Variants in GRIK2 observed in about 807,000 individuals in gnomAD.
GRIK2 encodes the protein glutamate ionotropic receptor kainate type subunit 2.
GRIK2 carries 32 observed loss-of-function variants against 100.3 expected under a neutral mutation model. That is an observed-to-expected ratio of 0.32 (90% CI 0.24 to 0.43). The LOEUF is 0.43. Ranked by LOEUF, GRIK2 falls within the 20% of genes least tolerant of loss-of-function variation. The pLI, the probability that GRIK2 is intolerant of heterozygous loss-of-function variation, is 1.00. For synonymous variants in GRIK2, 417 were observed against 389.4 expected (o/e 1.07, Z -0.83); for missense variants, 843 against 1,114.9 (o/e 0.76, Z 3.47).
intron 14 of GRIK2, among the ~76,000 whole-genome samples, chr6:102,030,861 A>T (rs952418961): frequency 6.6e-6 from 1 of 150,828 alleles, no homozygotes; most frequent in African/African-American, 2.4e-5. Context: ...ATCCCCTCTG[A>T]ACTCCAGACT....
At chr6:101,434,114 G>A (rs950086599) in intron 2 of GRIK2, among the ~76,000 whole-genome samples, 3 of 152,194 alleles carry the variant, frequency 2.0e-5, no homozygotes, top group African/African-American at 2.4e-5. Context: ...AGACACTAAC[G>A]TGCAAATAAC....
chr6:101,788,263 G>A (rs1224168685), intron 7 of GRIK2, among the ~76,000 whole-genome samples: 1 of 151,022 alleles, frequency 6.6e-6, no homozygotes, highest in African/African-American at 2.4e-5. Context: ...CAATGTGCAG[G>A]TTAGTTACAT....
intron 12 of GRIK2, among the ~76,000 whole-genome samples, chr6:101,907,177 A>G (rs1467673003): frequency 6.6e-6 from 1 of 151,750 alleles, no homozygotes; most frequent in Non-Finnish European, 1.5e-5. Flanking sequence ...ACATTGGGAC[A>G]TAGGTATTTT....
rs2128481811 is a variant in GRIK2, at chr6:101,959,393, T to G, written c.2085+30761T>G. On this transcript the variant is annotated intron_variant, in intron 14 of 16. Coordinates refer to ENST00000369134, the MANE Select transcript of GRIK2 (RefSeq NM_021956.5). ...TGCCTAGTGATACTCATAGCAGTCT[T>G]TGATGATCTTTTGTATTTCTGTGGT... Among the ~76,000 whole-genome samples the G allele has an allele frequency of 1.3e-5, 2 of 152,272 alleles. 1 individual carries two copies. The highest frequency in any genetic ancestry group is 4.1e-4 in the South Asian group (2 of 4,828).
At chr6:101,823,497 T>C (rs980847540) in intron 10 of GRIK2, among the ~76,000 whole-genome samples, 16 of 152,196 alleles carry the variant, frequency 1.1e-4, no homozygotes, top group Non-Finnish European at 2.4e-4. Flanking sequence ...TCTTTCATCT[T>C]TGAATTTCAA....
chr6:101,773,482 A>G (rs1562374455), intron 7 of GRIK2, among the ~76,000 whole-genome samples: 1 of 150,726 alleles, frequency 6.6e-6, no homozygotes, highest in South Asian at 2.1e-4. Flanking sequence ...TTGTCTCAAA[A>G]AAAAAAAAAA....
At chr6:101,924,530 G>A in intron 12 of GRIK2, 71 bp from the exon 13 acceptor site, 3 of 808,412 alleles carry the variant, frequency 3.7e-6, no homozygotes, top group East Asian at 2.5e-5. Context: ...TTCTTTTGCA[G>A]CAAAAAATGC....
intron 4 of GRIK2, among the ~76,000 whole-genome samples, chr6:101,664,707 C>G (rs530129538): frequency 6.6e-6 from 1 of 152,188 alleles, no homozygotes; most frequent in Admixed American, 6.5e-5. Flanking sequence ...AGTCTGTTCC[C>G]ACACTGCTAA....
intron 14 of GRIK2, among the ~76,000 whole-genome samples, chr6:101,994,433 C>G (rs535573668): frequency 2.0e-5 from 3 of 151,802 alleles, no homozygotes; most frequent in Admixed American, 1.3e-4. Flanking sequence ...ATTTGTTTTT[C>G]TCTTGCTCCT....
chr6:101,560,624 C>T (rs1381533904), intron 2 of GRIK2, among the ~76,000 whole-genome samples: 1 of 152,010 alleles, frequency 6.6e-6, no homozygotes, highest in African/African-American at 2.4e-5. Context: ...AAACTGCACA[C>T]TGATTATTGG....
intron 5 of GRIK2, among the ~76,000 whole-genome samples, chr6:101,680,615 T>C (rs935839027): frequency 1.3e-5 from 2 of 152,200 alleles, no homozygotes; most frequent in African/African-American, 2.4e-5. Context: ...GTATTATTTT[T>C]AGTTATACAT....
chr6:101,922,447 C>G (rs1357135356), intron 12 of GRIK2, among the ~76,000 whole-genome samples: 2 of 151,954 alleles, frequency 1.3e-5, no homozygotes, highest in African/African-American at 4.8e-5. Flanking sequence ...CTTTTATAGA[C>G]CAGTTTCATG....
At chr6:101,564,242 T>C (rs942530067) in intron 2 of GRIK2, among the ~76,000 whole-genome samples, 11 of 152,162 alleles carry the variant, frequency 7.2e-5, no homozygotes, top group African/African-American at 2.7e-4. Flanking sequence ...CCACTAACAA[T>C]GACCCCCAGA....
At chr6:101,776,665 A>G (rs929481754) in intron 7 of GRIK2, among the ~76,000 whole-genome samples, 1 of 152,174 alleles carries the variant, frequency 6.6e-6, no homozygotes, top group African/African-American at 2.4e-5. Context: ...AGACATTATA[A>G]TATTTTACCA....
At chr6:101,831,576 A>G (rs1782697267) in intron 10 of GRIK2, among the ~76,000 whole-genome samples, 1 of 152,190 alleles carries the variant, frequency 6.6e-6, no homozygotes, top group African/African-American at 2.4e-5. Flanking sequence ...TTGGAATGAC[A>G]GATACTGAAA....
intron 10 of GRIK2, among the ~76,000 whole-genome samples, chr6:101,821,817 A>G (rs547546425): frequency 9.9e-5 from 15 of 151,958 alleles, no homozygotes; most frequent in Non-Finnish European, 2.1e-4. Context: ...TTTTTGATTG[A>G]TGTTATGATT....
intron 10 of GRIK2, among the ~76,000 whole-genome samples, chr6:101,824,373 A>T (rs1782176164): frequency 6.6e-6 from 1 of 152,156 alleles, no homozygotes; most frequent in Non-Finnish European, 1.5e-5. Flanking sequence ...TTTATGAGTG[A>T]CAACATACAG....
intron 2 of GRIK2, among the ~76,000 whole-genome samples, chr6:101,402,822 G>C (rs883931): frequency 0.021 from 3,146 of 152,330 alleles, 110 homozygotes; most frequent in African/African-American, 0.072. Flanking sequence ...GCGTCCCAGC[G>C]TATGTAAATG....
chr6:101,931,507 T>G (rs996848809), intron 14 of GRIK2, among the ~76,000 whole-genome samples: 2 of 152,160 alleles, frequency 1.3e-5, no homozygotes, highest in Admixed American at 1.3e-4. Flanking sequence ...AGATATCTGG[T>G]GTTAAAGGGT....
Sources: allele counts gnomAD v4.1 joint callset (sites outside exome capture counted in the v4.1 genomes callset), GRCh38; gene constraint gnomAD v4.1.1; transcripts MANE v1.5; gene names NCBI Gene and HGNC (gene_info 2026-07-23, HGNC 2026-07-21).